CNTNAP5: variants seen among roughly 807,000 people sequenced by gnomAD.
CNTNAP5 encodes contactin-associated protein-like 5.
Under a neutral mutation model 150.2 loss-of-function variants are expected in CNTNAP5, and 72 were observed. The observed-to-expected ratio is 0.48, with a 90% CI of 0.40 to 0.58. CNTNAP5 has a LOEUF of 0.58. Among genes scored for constraint, CNTNAP5 ranks in the 20% least tolerant of loss-of-function variants. The probability of loss-of-function intolerance (pLI) is 0.00; values close to 1 mark genes in which losing one functional copy is unlikely to be tolerated. For missense variants in CNTNAP5, 1,636 were observed against 1,626.2 expected, an observed-to-expected ratio of 1.01 and a Z score of -0.10; for synonymous variants, 672 against 619.8, an observed-to-expected ratio of 1.08 and a Z score of -1.25.
intron 3 of CNTNAP5, among the ~76,000 whole-genome samples, chr2:124,389,317 C>T (rs1383317381): frequency 6.6e-6 from 1 of 152,064 alleles, no homozygotes. Context: ...AAATTCTACT[C>T]GAAATAAAAT....
Position 124,917,632 on chromosome 2 carries a change from A to G in CNTNAP5, c.*3344A>G. Reference sequence around the variant, plus strand: ...TTGACTTCTACCTTTTGTCAGACTCATCTCCACCAACGGGTAGCAAGAGCA... The same window carrying G: ...TTGACTTCTACCTTTTGTCAGACTCGTCTCCACCAACGGGTAGCAAGAGCA... On this transcript the variant is annotated 3_prime_UTR_variant, in exon 24 of 24. Transcript: ENST00000682447. Among the ~76,000 whole-genome samples, 1 of 152,110 alleles carries G rather than the reference A, an allele frequency of 6.6e-6. No homozygotes were observed. Among genetic ancestry groups the G allele is most frequent in the East Asian group, 1.9e-4 (1 of 5,168 alleles).
At chr2:124,343,101 G>A (rs571501591) in intron 3 of CNTNAP5, among the ~76,000 whole-genome samples, 6 of 152,100 alleles carry the variant, frequency 3.9e-5, no homozygotes, top group Non-Finnish European at 7.4e-5. Flanking sequence ...TGTGGACAAC[G>A]AGACAAGACT....
chr2:124,136,738 T>A (rs1001215487), intron 1 of CNTNAP5, among the ~76,000 whole-genome samples: 2 of 152,186 alleles, frequency 1.3e-5, no homozygotes, highest in Admixed American at 6.5e-5. Flanking sequence ...AGGGAACGTG[T>A]AAGCAAAATC....
chr2:124,207,771 T>C (rs1685898030), intron 1 of CNTNAP5, among the ~76,000 whole-genome samples: 1 of 152,222 alleles, frequency 6.6e-6, no homozygotes, highest in South Asian at 2.1e-4. Context: ...TTTCCTGCTA[T>C]TTTTAATCTG....
At chr2:124,678,375 G>C (rs374274562) in intron 13 of CNTNAP5, among the ~76,000 whole-genome samples, 25 of 151,776 alleles carry the variant, frequency 1.6e-4, no homozygotes, top group African/African-American at 5.5e-4. Flanking sequence ...ATTTCAGGAC[G>C]TTCCTGTCTA....
At chr2:124,820,212 G>A (rs1443801351) in intron 19 of CNTNAP5, among the ~76,000 whole-genome samples, 1 of 152,098 alleles carries the variant, frequency 6.6e-6, no homozygotes, top group Non-Finnish European at 1.5e-5. Flanking sequence ...AGGTAGATGT[G>A]ATGTCAAACA....
At chr2:124,893,411 G>T (rs1441605138) in intron 21 of CNTNAP5, among the ~76,000 whole-genome samples, 1 of 152,000 alleles carries the variant, frequency 6.6e-6, no homozygotes, top group Non-Finnish European at 1.5e-5. Flanking sequence ...GCTGAAACTG[G>T]GTAAAGCGAT....
intron 11 of CNTNAP5, among the ~76,000 whole-genome samples, chr2:124,579,651 T>A (rs557662841): frequency 6.6e-6 from 1 of 152,230 alleles, no homozygotes; most frequent in African/African-American, 2.4e-5. Flanking sequence ...AATGTTTGCA[T>A]GCAGCCTTCT....
chr2:124,556,534 C>A (rs1160631943), intron 10 of CNTNAP5, among the ~76,000 whole-genome samples: 1 of 152,130 alleles, frequency 6.6e-6, no homozygotes, highest in Non-Finnish European at 1.5e-5. Context: ...ATGGGATCCC[C>A]TTGCTCTTGT....
At chr2:124,750,554 CCAGACGGATAGTCTGCTGTG>C (rs1345740612) in intron 14 of CNTNAP5, among the ~76,000 whole-genome samples, 1 of 152,162 alleles carries the variant, frequency 6.6e-6, no homozygotes, top group African/African-American at 2.4e-5. Flanking sequence ...CTACTGTGTG[CCAGACGGATAGTCTGCTGTG>C]CAGAGAAAGT....
At chr2:124,153,858 C>T (rs1684462655) in intron 1 of CNTNAP5, among the ~76,000 whole-genome samples, 1 of 151,898 alleles carries the variant, frequency 6.6e-6, no homozygotes, top group Non-Finnish European at 1.5e-5. Flanking sequence ...GTTGATCCAC[C>T]CGCCTCGGCC....
chr2:124,457,497 C>T (rs923260088), intron 6 of CNTNAP5, among the ~76,000 whole-genome samples: 1 of 152,026 alleles, frequency 6.6e-6, no homozygotes, highest in African/African-American at 2.4e-5. Context: ...GTGCTAAGGA[C>T]ATGAATAGAC....
chr2:124,469,765 C>A (rs1693460522), intron 6 of CNTNAP5, among the ~76,000 whole-genome samples: 1 of 152,122 alleles, frequency 6.6e-6, no homozygotes, highest in East Asian at 1.9e-4. Context: ...GAGTGGTTCA[C>A]CTCCCTGTGC....
At chr2:124,556,338 CAA>C (rs1404780179) in intron 10 of CNTNAP5, among the ~76,000 whole-genome samples, 2 of 151,902 alleles carry the variant, frequency 1.3e-5, no homozygotes, top group South Asian at 4.2e-4. Context: ...GAGCACATGT[CAA>C]AGTTTTTTCA....
intron 1 of CNTNAP5, among the ~76,000 whole-genome samples, chr2:124,192,561 A>G (rs190643976): frequency 2.4e-3 from 366 of 152,268 alleles, no homozygotes; most frequent in African/African-American, 8.2e-3. Flanking sequence ...TAATAGGCAT[A>G]TCAGAATCAG....
chr2:124,155,831 A>G lies in CNTNAP5; in HGVS notation c.83-65874A>G, dbSNP rs532320453. On this transcript the variant is annotated intron_variant, in intron 1 of 23. Coordinates refer to ENST00000682447, the MANE Select transcript of CNTNAP5 (RefSeq NM_001367498.1). ...AAATAAAAATCAATAAATTTGAAAG[A>G]AAGGGAGTACTGCATCTGTGATACT... Among the ~76,000 whole-genome samples, 21 of 152,328 alleles carry G rather than the reference A, an allele frequency of 1.4e-4. 1 individual carries two copies. The South Asian group carries it at 4.1e-3, about 30-fold the overall frequency.
rs1242768180 is a variant in CNTNAP5 at position 124,226,076 on chromosome 2, T to C, written c.187+4267T>C. Among the ~76,000 whole-genome samples, 3 of 152,152 alleles carry C rather than the reference T, an allele frequency of 2.0e-5. No homozygotes were observed. The East Asian group carries it at 5.8e-4, about 29-fold the overall frequency. Reference sequence around the variant, plus strand: ...CTATGACTAATGCTGCAATGAACATTGGATTGCAGATATCTCTTTCAGATA... The same window carrying C: ...CTATGACTAATGCTGCAATGAACATCGGATTGCAGATATCTCTTTCAGATA... On this transcript the variant is annotated intron_variant, in intron 2 of 23. Coordinates refer to ENST00000682447, the MANE Select transcript of CNTNAP5 (RefSeq NM_001367498.1).
Position 124,204,080 on chromosome 2 carries a change from A to T in CNTNAP5, c.83-17625A>T, listed in dbSNP as rs542325480. On this transcript the variant is annotated intron_variant, in intron 1 of 23. Transcript: ENST00000682447. Reference sequence around the variant, plus strand: ...TTCCAATTCCAAATCATATCTTTGGAAATGAATAAAATGGAATGTTTTTAA... The same window carrying T: ...TTCCAATTCCAAATCATATCTTTGGTAATGAATAAAATGGAATGTTTTTAA... Among the ~76,000 whole-genome samples, 7 of 152,332 alleles carry T rather than the reference A, an allele frequency of 4.6e-5. No individual in the cohort carries two copies. In the South Asian group the frequency reaches 6.2e-4, roughly 14 times the overall value.
chr2:124,742,296 G>C (rs149808183), intron 13 of CNTNAP5, among the ~76,000 whole-genome samples: 1 of 152,092 alleles, frequency 6.6e-6, no homozygotes. Context: ...AAGAATTTAG[G>C]TCCATTAAAA....
Sources: allele counts gnomAD v4.1 joint callset (sites outside exome capture counted in the v4.1 genomes callset), GRCh38; gene constraint gnomAD v4.1.1; transcripts MANE v1.5; gene names NCBI Gene and HGNC (gene_info 2026-07-23, HGNC 2026-07-21).